Variants in RBFOX1 observed in about 807,000 individuals in gnomAD.
RBFOX1 encodes RNA binding protein fox-1 homolog 1.
A neutral mutation model predicts 57.7 loss-of-function variants in RBFOX1; 8 were observed. The observed-to-expected ratio is 0.14, with a 90% confidence interval of 0.08 to 0.25. The LOEUF (loss-of-function observed/expected upper bound fraction) is 0.25, where lower values mean the gene tolerates loss of function less well. Ranked by LOEUF, RBFOX1 falls within the 10% of genes least tolerant of loss-of-function variation. The pLI, the probability that RBFOX1 is intolerant of heterozygous loss-of-function variation, is 1.00. For synonymous variants in RBFOX1, 326 were observed against 222.4 expected (o/e 1.47, Z -4.15); for missense variants, 611 against 548.5 (o/e 1.11, Z -1.14).
At chr16:6,255,403 A>T (rs2097654348) in intron 1 of RBFOX1, among the ~76,000 whole-genome samples, 2 of 152,130 alleles carry the variant, frequency 1.3e-5, no homozygotes, top group Non-Finnish European at 2.9e-5. Context: ...AAGAGGTGAA[A>T]GGGCACAGGA....
In RBFOX1 at chr16:6,002,221, C is replaced by T. The variant is rs559141917; in HGVS notation, c.351+134886C>T. ...CAAATTCCTGGACTCAAATGATCCT[C>T]CCGCCCCAGCCTGCCAAAGTTCTCA... On this transcript the variant is annotated intron_variant, in intron 4 of 19. Transcript: ENST00000641259. Among the ~76,000 whole-genome samples, 132 of 152,262 alleles carry T rather than the reference C, an allele frequency of 8.7e-4. 1 individual carries two copies. Among genetic ancestry groups the T allele is most frequent in the Admixed American group, 1.4e-3 (21 of 15,292 alleles).
At chr16:6,278,882 T>C (rs553181773) in intron 1 of RBFOX1, among the ~76,000 whole-genome samples, 127 of 152,314 alleles carry the variant, frequency 8.3e-4, no homozygotes, top group Non-Finnish European at 1.6e-3. Flanking sequence ...TCTTAAATCG[T>C]TGGTGATTTT....
intron 1 of RBFOX1, among the ~76,000 whole-genome samples, chr16:6,077,583 C>G (rs904107233): frequency 9.9e-5 from 15 of 152,122 alleles, no homozygotes; most frequent in African/African-American, 4.8e-5. Flanking sequence ...AACAAACCTC[C>G]TTAAGTTATA....
At chr16:6,533,435 G>T (rs537402806) in intron 2 of RBFOX1, among the ~76,000 whole-genome samples, 9 of 152,222 alleles carry the variant, frequency 5.9e-5, no homozygotes, top group Non-Finnish European at 5.9e-5. Context: ...ACTGCCACGT[G>T]GCACCACCAG....
chr16:5,256,152 C>T (rs2062586399), intron 1 of RBFOX1, among the ~76,000 whole-genome samples: 1 of 152,126 alleles, frequency 6.6e-6, no homozygotes, highest in African/African-American at 2.4e-5. Flanking sequence ...ATGGAGAGGG[C>T]CTGGCCCAAT....
chr16:6,124,783 C>T (rs1254507244), intron 1 of RBFOX1, among the ~76,000 whole-genome samples: 2 of 152,144 alleles, frequency 1.3e-5, no homozygotes, highest in Non-Finnish European at 1.5e-5. Flanking sequence ...CCGCCTTGGC[C>T]TTCCAAAATG....
intron 4 of RBFOX1, among the ~76,000 whole-genome samples, chr16:7,079,284 A>T (rs761169425): frequency 6.6e-6 from 1 of 152,130 alleles, no homozygotes; most frequent in Non-Finnish European, 1.5e-5. Context: ...GGAGCTTGCA[A>T]ACTGAGGGTT....
intron 3 of RBFOX1, among the ~76,000 whole-genome samples, chr16:7,032,822 C>T (rs540427447): frequency 1.3e-5 from 2 of 152,280 alleles, no homozygotes; most frequent in African/African-American, 4.8e-5. Context: ...CGTTTGGTGT[C>T]TCCAGGCTCA....
At chr16:5,410,042 C>A (rs1269427995) in intron 1 of RBFOX1, among the ~76,000 whole-genome samples, 1 of 109,296 alleles carries the variant, frequency 9.1e-6, no homozygotes, top group Non-Finnish European at 1.8e-5. Flanking sequence ...AGCAAGACTC[C>A]ATCTCAAAAA....
chr16:7,709,086 C>T lies in RBFOX1; in HGVS notation c.1026C>T (p.Tyr342=), dbSNP rs757064173. 1.2e-6 allele frequency: 2 copies of T among 1,613,452 alleles called. No individual in the cohort carries two copies. Among genetic ancestry groups the T allele is most frequent in the Non-Finnish European group, 1.7e-6 (2 of 1,179,736 alleles). ...GACGAGTTTATGCTGCCGACCCCTACCACCACGCACTTGCTCCAGCCCCCA... is the reference window on the plus strand; with the variant it reads ...GACGAGTTTATGCTGCCGACCCCTATCACCACGCACTTGCTCCAGCCCCCA... ...SYGRVYAADP[Y]HHALAPAPTY... Residue 342 remains tyrosine (Y), a synonymous_variant, in exon 15 of 16, where the codon TAC becomes TAT. Transcript: ENST00000550418.
At chr16:6,401,580 G>A (rs8053481) in intron 2 of RBFOX1, among the ~76,000 whole-genome samples, 99,883 of 151,976 alleles carry the variant, frequency 0.66, 33,600 homozygotes, top group African/African-American at 0.81. Flanking sequence ...CTTATAATGT[G>A]TCTTTAACTA....
At chr16:7,657,305 T>TA (rs2066545113) in intron 12 of RBFOX1, among the ~76,000 whole-genome samples, 5 of 152,082 alleles carry the variant, frequency 3.3e-5, no homozygotes, top group Admixed American at 3.3e-4. Flanking sequence ...CCATTTCCTT[T>TA]TAAAAAAAAT....
intron 4 of RBFOX1, among the ~76,000 whole-genome samples, chr16:7,201,527 T>A (rs965970222): frequency 6.6e-6 from 1 of 151,508 alleles, no homozygotes; most frequent in Non-Finnish European, 1.5e-5. Flanking sequence ...AATGGCACAA[T>A]CTGGGCTCAC....
At chr16:6,968,449 C>G (rs1176659815) in intron 3 of RBFOX1, among the ~76,000 whole-genome samples, 2 of 152,106 alleles carry the variant, frequency 1.3e-5, no homozygotes, top group East Asian at 1.9e-4. Flanking sequence ...AGCATGCTGC[C>G]TGACGCTATC....
chr16:5,286,247 C>T (rs80193119), intron 1 of RBFOX1, among the ~76,000 whole-genome samples: 2 of 152,162 alleles, frequency 1.3e-5, no homozygotes, highest in Non-Finnish European at 2.9e-5. Context: ...ATCCCTGGGC[C>T]TCCAGGTGGC....
intron 4 of RBFOX1, among the ~76,000 whole-genome samples, chr16:7,262,994 T>C (rs948402926): frequency 6.6e-6 from 1 of 152,086 alleles, no homozygotes; most frequent in Non-Finnish European, 1.5e-5. Context: ...TAGAGGGTGA[T>C]AGGAAAGGAG....
At chr16:7,697,818 A>G (rs766578280) in intron 14 of RBFOX1, among the ~76,000 whole-genome samples, 5 of 152,154 alleles carry the variant, frequency 3.3e-5, no homozygotes, top group African/African-American at 9.7e-5. Context: ...TGAAACTAGT[A>G]TTTTGAGTCG....
chr16:7,001,763 T>C (rs569889742), intron 3 of RBFOX1, among the ~76,000 whole-genome samples: 21 of 152,016 alleles, frequency 1.4e-4, no homozygotes, highest in Admixed American at 1.3e-3. Context: ...GCCTCTATTA[T>C]TTGTTTTTAG....
At chr16:6,034,318 C>T (rs139587383) in intron 1 of RBFOX1, among the ~76,000 whole-genome samples, 8,597 of 104,042 alleles carry the variant, frequency 0.083, 809 homozygotes, top group African/African-American at 0.25. Flanking sequence ...GGTGACAGAG[C>T]GAGACTGTTG....
Sources: gnomAD v4.1 joint callset for allele counts (sites outside exome capture counted in the v4.1 genomes callset) on GRCh38, gnomAD v4.1.1 for gene constraint, MANE v1.5 for transcripts, NCBI Gene and HGNC (gene_info 2026-07-23, HGNC 2026-07-21) for gene names.